The following NPTN variants were observed in gnomAD, a reference collection of about 807,000 sequenced individuals.
The protein encoded by NPTN is neuroplastin, also known as SDR-1.
Under a neutral mutation model 42.7 loss-of-function variants are expected in NPTN, and 5 were observed. The ratio of observed to expected loss-of-function variants is 0.12; its 90% CI spans 0.06 to 0.25. The LOEUF (loss-of-function observed/expected upper bound fraction) is 0.25, where lower values mean the gene tolerates loss of function less well. NPTN is among the 10% of genes least tolerant of loss of function. The pLI is 1.00. For missense variants in NPTN, 307 were observed against 525.4 expected, an observed-to-expected ratio of 0.58 and a Z score of 4.06; for synonymous variants, 180 against 201.9, an observed-to-expected ratio of 0.89 and a Z score of 0.92.
chr15:73,565,704 G>A (rs1894947387), intron 6 of NPTN: 1 of 456,072 alleles, frequency 2.2e-6, no homozygotes, highest in South Asian at 1.6e-5. Context: ...TAGATGAGAG[G>A]AAGAGGACTG....
rs192105002 is a variant in NPTN at position 73,628,428 on chromosome 15, C to G, written c.91+4697G>C. On this transcript the variant is annotated intron_variant, in intron 1 of 8. Coordinates refer to ENST00000345330, the MANE Select transcript of NPTN (RefSeq NM_012428.4). ...AAACAGTAAATTGAATAGAATACAT[C>G]AGAACGATTTTCATAAAATTCACTT... Among the ~76,000 whole-genome samples the G allele has an allele frequency of 6.6e-5, 10 of 152,310 alleles. No individual in the cohort carries two copies. The East Asian group carries it at 1.9e-3, about 29-fold the overall frequency.
At chr15:73,580,422 A>ATATATATTATATATAT (rs1555407984) in intron 4 of NPTN, among the ~76,000 whole-genome samples, 39 of 102,092 alleles carry the variant, frequency 3.8e-4, no homozygotes, top group African/African-American at 1.5e-3. Context: ...TATATATATA[A>ATATATATTATATATAT]TATATATATA....
At chr15:73,618,015 T>C (rs1010376042) in intron 1 of NPTN, among the ~76,000 whole-genome samples, 1 of 152,260 alleles carries the variant, frequency 6.6e-6, no homozygotes, top group Admixed American at 6.5e-5. Flanking sequence ...TAGCAAATTC[T>C]ATGCTCCATG....
intron 1 of NPTN, among the ~76,000 whole-genome samples, chr15:73,604,910 C>T (rs763674300): frequency 6.6e-5 from 10 of 151,768 alleles, no homozygotes; most frequent in Non-Finnish European, 1.3e-4. Flanking sequence ...AGGACTGCAC[C>T]AGTCTGGACA....
At chr15:73,561,162 G>A (rs1253635993) in intron 8 of NPTN, 114 bp from the exon 9 acceptor site, 1 of 152,296 alleles carries the variant, frequency 6.6e-6, no homozygotes, top group Admixed American at 6.5e-5. Flanking sequence ...GATGTGGTGT[G>A]AAATTCTGAT....
intron 1 of NPTN, among the ~76,000 whole-genome samples, chr15:73,629,180 G>A (rs1898594691): frequency 6.6e-6 from 1 of 152,198 alleles, no homozygotes; most frequent in Non-Finnish European, 1.5e-5. Context: ...TCATGCCTGG[G>A]TGCTGCATTA....
intron 6 of NPTN, among the ~76,000 whole-genome samples, chr15:73,564,134 G>C (rs2141348321): frequency 6.6e-6 from 1 of 152,336 alleles, no homozygotes; most frequent in East Asian, 1.9e-4. Context: ...CCTTTAAGCA[G>C]AGATACACAT....
chr15:73,565,489 T>C (rs947353762), intron 6 of NPTN, among the ~76,000 whole-genome samples: 1 of 152,188 alleles, frequency 6.6e-6, no homozygotes, highest in African/African-American at 2.4e-5. Context: ...GTGCATCGTA[T>C]AGACTGAAGC....
rs1444945310 is a variant in NPTN, at chr15:73,570,762, G to A, written c.841-339C>T. Reference sequence around the variant, plus strand: ...CACAGCAGAAAGAGGACGGCAGAAGGAGGGGTACAACCCCTACAGTCAGGC... The same window carrying A: ...CACAGCAGAAAGAGGACGGCAGAAGAAGGGGTACAACCCCTACAGTCAGGC... On this transcript the variant is annotated intron_variant, in intron 5 of 8. Transcript: ENST00000345330. The surrounding 1 kb of genome is among the most constrained non-coding windows in gnomAD (Gnocchi z 4.0). Among the ~76,000 whole-genome samples, 5 of 152,168 alleles carry A rather than the reference G, an allele frequency of 3.3e-5. No homozygotes were observed. The highest frequency in any genetic ancestry group is 1.3e-4 in the Admixed American group (2 of 15,282).
At chr15:73,631,374 A>AC (rs1243930497) in intron 1 of NPTN, among the ~76,000 whole-genome samples, 2 of 152,212 alleles carry the variant, frequency 1.3e-5, no homozygotes, top group African/African-American at 2.4e-5. Context: ...CAGGAAAAAT[A>AC]CCCAATACAC....
At chr15:73,600,119 C>T (rs192703391) in intron 1 of NPTN, among the ~76,000 whole-genome samples, 62 of 152,274 alleles carry the variant, frequency 4.1e-4, no homozygotes, top group Admixed American at 7.2e-4. Context: ...CACAACTGGG[C>T]GAGTCACTCA....
In NPTN at chr15:73,570,173, T is replaced by G. The variant is rs748529307; in HGVS notation, c.1091A>C (p.Lys364Thr). 6.2e-7 allele frequency: 1 copy of G among 1,612,042 alleles called. No homozygotes were observed. The highest frequency in any genetic ancestry group is 1.1e-5 in the South Asian group (1 of 91,004). Reference sequence around the variant, plus strand: ...ACCGTCAGGAACCTCATCTGGCCTCTTCCTCTTCTCATACACAACAATGAT... The same window carrying G: ...ACCGTCAGGAACCTCATCTGGCCTCGTCCTCTTCTCATACACAACAATGAT... Reference protein sequence around the residue: ...VVIIVVYEKRKRPDEVPDDDE... With the variant: ...VVIIVVYEKRTRPDEVPDDDE... Residue 364 changes from lysine to threonine, a missense_variant, in exon 6 of 9, where the codon AAG becomes ACG. Lys to Thr is a moderately conservative substitution (Grantham distance 78). This residue lies in a region of NPTN where 264 missense variants were observed against 491.1 expected (regional missense o/e 0.54). Transcript: ENST00000345330. The surrounding 1 kb of genome is among the most constrained non-coding windows in gnomAD (Gnocchi z 4.0).
intron 4 of NPTN, among the ~76,000 whole-genome samples, chr15:73,580,704 T>G (rs1895997359): frequency 6.6e-6 from 1 of 151,046 alleles, no homozygotes; most frequent in African/African-American, 2.4e-5. Flanking sequence ...AGCCCAAAAG[T>G]TATCTTTCCT....
intron 1 of NPTN, among the ~76,000 whole-genome samples, chr15:73,614,546 GAAGA>G (rs1394503399): frequency 2.6e-5 from 4 of 152,134 alleles, no homozygotes; most frequent in Non-Finnish European, 5.9e-5. Flanking sequence ...CACAAGGTAA[GAAGA>G]AAGAATATAT....
chr15:73,568,807 T>C, intron 6 of NPTN: 1 of 985,470 alleles, frequency 1.0e-6, no homozygotes, highest in Non-Finnish European at 1.2e-6. Flanking sequence ...ATTGTCAGTG[T>C]CATCAACAAA....
Position 73,633,267 on chromosome 15 carries a change from C to A in NPTN, c.-52G>T. Reference sequence around the variant, plus strand: ...AATGGGCCGGGGCCAGAGCCGGGGCCGGGGAAGGGAGGGGAGGGAGGGAGG... The same window carrying A: ...AATGGGCCGGGGCCAGAGCCGGGGCAGGGGAAGGGAGGGGAGGGAGGGAGG... On this transcript the variant is annotated 5_prime_UTR_variant, in exon 1 of 9. Transcript: ENST00000345330. 1 of 369,242 alleles carries A rather than the reference C, an allele frequency of 2.7e-6. No homozygotes were observed. Among genetic ancestry groups the A allele is most frequent in the Non-Finnish European group, 5.2e-6 (1 of 193,932 alleles). 22.9% of individuals were successfully genotyped at this position (369,242 alleles called of 1,614,324 possible).
intron 4 of NPTN, among the ~76,000 whole-genome samples, chr15:73,574,027 T>C (rs1230529445): frequency 6.6e-6 from 1 of 152,194 alleles, no homozygotes; most frequent in Non-Finnish European, 1.5e-5. Context: ...TACTAATATA[T>C]GAGGCTCTAC....
At chr15:73,630,288 T>C (rs1412484725) in intron 1 of NPTN, among the ~76,000 whole-genome samples, 1 of 152,254 alleles carries the variant, frequency 6.6e-6, no homozygotes, top group African/African-American at 2.4e-5. Context: ...CCTGAGTCTG[T>C]CACCGTCCAA....
intron 1 of NPTN, among the ~76,000 whole-genome samples, chr15:73,605,800 A>G (rs1897277244): frequency 6.6e-6 from 1 of 152,088 alleles, no homozygotes. Flanking sequence ...CCCCTCTTGC[A>G]TTCCTTTTGT....
Sources: gnomAD v4.1 joint callset for allele counts (sites outside exome capture counted in the v4.1 genomes callset) on GRCh38, gnomAD v4.1.1 for gene constraint, gnomAD v4.1.1 regional missense constraint, Gnocchi (gnomAD v3.1) non-coding constraint, MANE v1.5 for transcripts, NCBI Gene and HGNC (gene_info 2026-07-23, HGNC 2026-07-21) for gene names.